Variants in RAG1 observed in about 807,000 individuals in gnomAD.
The protein encoded by RAG1 is recombination activating 1, also known as V(D)J recombination-activating protein 1.
A neutral mutation model predicts 62.7 loss-of-function variants in RAG1; 35 were observed. The observed-to-expected ratio is 0.56, with a 90% confidence interval of 0.43 to 0.74. RAG1 has a LOEUF of 0.74. Among genes scored for constraint, RAG1 ranks in the 30% least tolerant of loss-of-function variants. The pLI, the probability that RAG1 is intolerant of heterozygous loss-of-function variation, is 0.00. For missense variants in RAG1, 1,169 were observed against 1,278.6 expected (o/e 0.91, Z 1.31); for synonymous variants, 461 against 470.3 (o/e 0.98, Z 0.26).
At chr11:36,546,081 T>C (rs931660868) in intron 3 of RAG1, among the ~76,000 whole-genome samples, 1 of 152,336 alleles carries the variant, frequency 6.6e-6, no homozygotes, top group Non-Finnish European at 1.5e-5. Context: ...GAGAGTTCTG[T>C]AGATGTCTAT....
chr11:36,537,408 T>C (rs1054719962), downstream of RAG1, among the ~76,000 whole-genome samples: 5 of 152,206 alleles, frequency 3.3e-5, no homozygotes, highest in African/African-American at 9.6e-5. Context: ...TATATACATG[T>C]CAAAACTCAT....
At chr11:36,563,497 T>C (rs970486193), upstream of RAG1, 2 of 152,204 alleles carry the variant, frequency 1.3e-5, no homozygotes, top group African/African-American at 2.4e-5. Context: ...ACCTCCATAA[T>C]TGTGTGAGCC....
intron 2 of RAG1, among the ~76,000 whole-genome samples, chr11:36,529,684 G>A (rs1860221613): frequency 6.6e-6 from 1 of 152,078 alleles, no homozygotes; most frequent in South Asian, 2.1e-4. Context: ...CATTCAATTA[G>A]GAAAACAGGA....
chr11:36,572,543 G>C (rs1042105523), intron 1 of RAG1, among the ~76,000 whole-genome samples: 2 of 152,168 alleles, frequency 1.3e-5, no homozygotes, highest in African/African-American at 4.8e-5. Context: ...CATCTTAAAA[G>C]TCCCTTAGAA....
Position 36,576,217 on chromosome 11 carries a change from T to C in RAG1, c.2913T>C (p.Phe971=), listed in dbSNP as rs747371869. Residue 971 remains phenylalanine (F), a synonymous_variant, in exon 2 of 2, where the codon TTT becomes TTC. Transcript: ENST00000299440. ...SEGNESGNKL[F]RRFRKMNARQ... ...GAAATGAGTCTGGTAACAAACTGTT[T>C]AGGCGCTTCCGGAAAATGAATGCCA... 1.2e-5 allele frequency: 20 copies of C among 1,614,134 alleles called. No homozygotes were observed. The South Asian group carries it at 1.9e-4, about 15-fold the overall frequency.
At position 36,573,865 on chromosome 11, in the gene RAG1, T is replaced by C. The variant is rs1047933204; in HGVS notation, c.561T>C (p.Phe187=). The C allele has an allele frequency of 6.2e-7, 1 of 1,614,124 alleles. No homozygotes were observed. Among genetic ancestry groups the C allele is most frequent in the African/African-American group, 1.3e-5 (1 of 75,020 alleles). The part of the protein sequence containing the change: ...HNCWSIMHRK[F]SSAPCEVYFP... Reference sequence around the variant, plus strand: ...GCTGGAGCATCATGCACAGGAAGTTTAGCAGTGCCCCATGTGAGGTTTACT... The same window carrying C: ...GCTGGAGCATCATGCACAGGAAGTTCAGCAGTGCCCCATGTGAGGTTTACT... The change falls in exon 2 of 2, where the codon TTT becomes TTC. Residue 187 remains phenylalanine (F), a synonymous_variant. Transcript: ENST00000299440.
At chr11:36,535,781 TACAC>T (rs1279526843) in intron 2 of RAG1, among the ~76,000 whole-genome samples, 1 of 152,094 alleles carries the variant, frequency 6.6e-6, no homozygotes, top group Non-Finnish European at 1.5e-5. Flanking sequence ...AATAAATAGA[TACAC>T]ACATATAATT....
chr11:36,514,463 A>T (rs1859968375), intron 1 of RAG1, among the ~76,000 whole-genome samples: 1 of 152,168 alleles, frequency 6.6e-6, no homozygotes, highest in Non-Finnish European at 1.5e-5. Context: ...GGGCAGAGGG[A>T]TGGTTTTGGG....
At chr11:36,515,668 G>A (rs539198880) in intron 1 of RAG1, 1 of 152,972 alleles carries the variant, frequency 6.5e-6, no homozygotes, top group African/African-American at 2.4e-5. Context: ...GTGACAAAGA[G>A]GGAAGGGAAG....
At chr11:36,562,507 C>T (rs993059876) in intron 3 of RAG1, among the ~76,000 whole-genome samples, 14 of 152,174 alleles carry the variant, frequency 9.2e-5, no homozygotes, top group Admixed American at 4.6e-4. Context: ...AGCAATGTTA[C>T]GGCACTCCAA....
intron 3 of RAG1, among the ~76,000 whole-genome samples, chr11:36,551,565 G>T (rs1322570372): frequency 3.3e-5 from 5 of 150,360 alleles, no homozygotes. Flanking sequence ...ATTGAATTAG[G>T]GCTCACCTAA....
At chr11:36,531,301 T>C (rs1860250364) in intron 2 of RAG1, among the ~76,000 whole-genome samples, 1 of 152,088 alleles carries the variant, frequency 6.6e-6, no homozygotes, top group South Asian at 2.1e-4. Flanking sequence ...TGTCTTGTAA[T>C]TGGTATATTA....
At position 36,573,720 on chromosome 11, in the gene RAG1, G is replaced by T. The variant is rs140648865; in HGVS notation, c.416G>T (p.Gly139Val). 33 of 1,613,864 alleles carry T rather than the reference G, an allele frequency of 2.0e-5. 2 individuals carry two copies. The Middle Eastern group carries it at 4.1e-3, about 201-fold the overall frequency. ...VHGPVDGKTL[G>V]LLRKKEKRAT... ...GGTCCTGTGGATGGTAAAACCCTAG[G>T]CCTTTTACGAAAGAAGGAAAAGAGA... The change falls in exon 2 of 2, where the codon GGC becomes GTC. Residue 139 changes from glycine (G) to valine (V), a missense_variant. Around this residue, in one of 2 missense-constraint regions of RAG1, gnomAD observed 369 missense variants for 335.3 expected, o/e 1.10. Transcript: ENST00000299440.
chr11:36,541,039 T>G (rs1364663544), intron 3 of RAG1, among the ~76,000 whole-genome samples: 1 of 152,178 alleles, frequency 6.6e-6, no homozygotes, highest in Non-Finnish European at 1.5e-5. Flanking sequence ...CAGTTCCGGT[T>G]TCCACATGAC....
chr11:36,574,572 A>G lies in RAG1; in HGVS notation c.1268A>G (p.Asp423Gly). 2 of 1,614,240 alleles carry G rather than the reference A, an allele frequency of 1.2e-6. No individual in the cohort carries two copies. The highest frequency in any genetic ancestry group is 1.7e-6 in the Non-Finnish European group (2 of 1,180,046). Residue 423 changes from aspartate to glycine, a missense_variant, in exon 2 of 2, where the codon GAC (aspartate) becomes GGC (glycine). This residue lies in a region of RAG1 where 800 missense variants were observed against 943.3 expected (regional missense o/e 0.85). Transcript: ENST00000299440. ...ELKLQVKAFADKEEGGDVKSV... is the reference protein window; with the variant it reads ...ELKLQVKAFAGKEEGGDVKSV... ...AAGCTGCAAGTCAAAGCCTTTGCTG[A>G]CAAAGAAGAAGGTGGAGATGTGAAG... is the stretch of plus-strand genomic sequence containing the variant.
intron 3 of RAG1, among the ~76,000 whole-genome samples, chr11:36,559,130 GT>G (rs946422499): frequency 2.0e-5 from 3 of 151,964 alleles, no homozygotes; most frequent in Non-Finnish European, 4.4e-5. Flanking sequence ...TTGATTGACA[GT>G]TTTTTTTATT....
At chr11:36,544,396 C>T (rs1485725874) in intron 3 of RAG1, among the ~76,000 whole-genome samples, 1 of 152,134 alleles carries the variant, frequency 6.6e-6, no homozygotes, top group Admixed American at 6.5e-5. Flanking sequence ...AGATAAGGAA[C>T]GAATTCCACC....
downstream of RAG1, among the ~76,000 whole-genome samples, chr11:36,536,322 A>T (rs1860325645): frequency 6.6e-6 from 1 of 152,220 alleles, no homozygotes. Context: ...ACCTATACAC[A>T]ACAAATGGGC....
At chr11:36,551,723 C>T (rs1201226435) in intron 3 of RAG1, among the ~76,000 whole-genome samples, 1 of 141,674 alleles carries the variant, frequency 7.1e-6, no homozygotes, top group Non-Finnish European at 1.5e-5. Flanking sequence ...TGTCATCTAG[C>T]ATTAGGTATA....
Sources: allele counts gnomAD v4.1 joint callset (sites outside exome capture counted in the v4.1 genomes callset), GRCh38; gene constraint gnomAD v4.1.1; regional missense constraint gnomAD v4.1.1; transcripts MANE v1.5; gene names NCBI Gene and HGNC (gene_info 2026-07-23, HGNC 2026-07-21).